The following ASCL5 variants were observed in gnomAD, a reference collection of about 807,000 sequenced individuals.
ASCL5 encodes achaete-scute family bHLH transcription factor 5.
For missense variants in ASCL5, 262 were observed against 268.9 expected, an observed-to-expected ratio of 0.97 and a Z score of 0.18; for synonymous variants, 124 against 131.5, an observed-to-expected ratio of 0.94 and a Z score of 0.39.
At chr1:201,118,863 G>A (rs1466477612) in intron 1 of ASCL5, among the ~76,000 whole-genome samples, 2 of 152,002 alleles carry the variant, frequency 1.3e-5, no homozygotes, top group East Asian at 1.9e-4. Flanking sequence ...CTGGTTTTAC[G>A]GGTGAGAAAC....
intron 1 of ASCL5, 144 bp from the exon 2 acceptor site, chr1:201,116,021 A>C (rs1572083939): frequency 6.6e-6 from 1 of 152,256 alleles, no homozygotes; most frequent in East Asian, 1.9e-4. Flanking sequence ...GATCTGGGTT[A>C]AAATCTTGTG....
chr1:201,117,654 C>G (rs571385704), intron 1 of ASCL5, among the ~76,000 whole-genome samples: 3 of 152,186 alleles, frequency 2.0e-5, no homozygotes, highest in African/African-American at 4.8e-5. Context: ...TGGGGGCCCT[C>G]TCTACATCTC....
At chr1:201,125,842 C>T (rs981039086) in intron 1 of ASCL5, among the ~76,000 whole-genome samples, 1 of 152,198 alleles carries the variant, frequency 6.6e-6, no homozygotes, top group African/African-American at 2.4e-5. Context: ...CAGTCCATGA[C>T]TGTTATAGCA....
intron 1 of ASCL5, among the ~76,000 whole-genome samples, chr1:201,117,506 C>T (rs1663371151): frequency 6.6e-6 from 1 of 152,128 alleles, no homozygotes; most frequent in Non-Finnish European, 1.5e-5. Flanking sequence ...TCTCAGTGGC[C>T]TTCAAAGCCT....
intron 1 of ASCL5, among the ~76,000 whole-genome samples, chr1:201,116,093 G>T (rs1278892908): frequency 6.6e-6 from 1 of 152,172 alleles, no homozygotes; most frequent in East Asian, 1.9e-4. Context: ...AAGGGCAAGG[G>T]AAACATCCTT....
At chr1:201,116,772 TC>T (rs1159964949) in intron 1 of ASCL5, among the ~76,000 whole-genome samples, 5 of 152,100 alleles carry the variant, frequency 3.3e-5, no homozygotes, top group Non-Finnish European at 7.4e-5. Flanking sequence ...CTGATCGCAC[TC>T]CCCCCTCTTG....
intron 1 of ASCL5, among the ~76,000 whole-genome samples, chr1:201,125,011 GAA>G (rs1364477479): frequency 6.6e-6 from 1 of 152,224 alleles, no homozygotes; most frequent in Admixed American, 6.5e-5. Flanking sequence ...ATTTTAGAGG[GAA>G]CTGGGGCTCT....
chr1:201,114,659 G>T lies in ASCL5; in HGVS notation c.*93C>A. 2.7e-6 allele frequency: 3 copies of T among 1,092,422 alleles called. No homozygotes were observed. The highest frequency in any genetic ancestry group is 4.6e-5 in the South Asian group (1 of 21,628). The allele number at this position is 1,092,422 out of a possible 1,614,324, so 67.7% of individuals were successfully genotyped here. On this transcript the variant is annotated 3_prime_UTR_variant, in exon 2 of 2. Coordinates refer to ENST00000449188, the MANE Select transcript of ASCL5 (RefSeq NM_001270601.2). ...CCTCCTACAGTCACCGTCCTGCGGCGCATCGCGGGTGACCCAACAGCCTCC... is the reference window on the plus strand; with the variant it reads ...CCTCCTACAGTCACCGTCCTGCGGCTCATCGCGGGTGACCCAACAGCCTCC...
intron 1 of ASCL5, among the ~76,000 whole-genome samples, chr1:201,120,467 G>A (rs1279263161): frequency 6.6e-6 from 1 of 152,092 alleles, no homozygotes; most frequent in East Asian, 1.9e-4. Context: ...ACTCTGCATG[G>A]GCAACAGGCA....
At chr1:201,117,656 C>G (rs911963716) in intron 1 of ASCL5, among the ~76,000 whole-genome samples, 1 of 152,192 alleles carries the variant, frequency 6.6e-6, no homozygotes, top group Non-Finnish European at 1.5e-5. Flanking sequence ...GGGGCCCTCT[C>G]TACATCTCTC....
chr1:201,117,548 A>G (rs144353366), intron 1 of ASCL5, among the ~76,000 whole-genome samples: 176 of 152,236 alleles, frequency 1.2e-3, no homozygotes, highest in South Asian at 3.7e-3. Context: ...GTTCTAGAAA[A>G]TGTCTCCCAA....
chr1:201,121,494 T>TTTC (rs1365631371), intron 1 of ASCL5, among the ~76,000 whole-genome samples: 1 of 152,206 alleles, frequency 6.6e-6, no homozygotes, highest in Non-Finnish European at 1.5e-5. Flanking sequence ...TTGTGTGTGG[T>TTTC]TTCCAATAGG....
chr1:201,122,402 G>A (rs1663500869), intron 1 of ASCL5, among the ~76,000 whole-genome samples: 1 of 152,192 alleles, frequency 6.6e-6, no homozygotes, highest in African/African-American at 2.4e-5. Context: ...GGAGAAGGAT[G>A]GGCTCGCGTG....
chr1:201,121,747 G>A (rs1663467475), intron 1 of ASCL5, among the ~76,000 whole-genome samples: 1 of 151,910 alleles, frequency 6.6e-6, no homozygotes, highest in South Asian at 2.1e-4. Context: ...GGGAGGATCA[G>A]TTGAGCTCAG....
chr1:201,120,972 A>C (rs192065835), intron 1 of ASCL5, among the ~76,000 whole-genome samples: 1 of 152,382 alleles, frequency 6.6e-6, no homozygotes, highest in South Asian at 2.1e-4. Flanking sequence ...CCAAGGACTC[A>C]GAATGACAGA....
chr1:201,114,806 C>G lies in ASCL5; in HGVS notation c.567G>C (p.Glu189Asp). Reference protein sequence around the residue: ...APSSLVPESSESSCFSPSPFL... With the variant: ...APSSLVPESSDSSCFSPSPFL... ...AAGGCGACGGGGAGAAGCAGGAGGA[C>G]TCGGATGACTCCGGCACCAGGGAGG... is the stretch of plus-strand genomic sequence containing the variant. The change falls in exon 2 of 2, where the codon GAG becomes GAC. Residue 189 changes from glutamate (E) to aspartate (D), a missense_variant. Physicochemically the swap from Glu to Asp is conservative, Grantham distance 45 (BLOSUM62 2). Coordinates refer to ENST00000449188, the MANE Select transcript of ASCL5 (RefSeq NM_001270601.2). The G allele has an allele frequency of 1.6e-6, 2 of 1,230,958 alleles. No individual in the cohort carries two copies. Among genetic ancestry groups the G allele is most frequent in the Non-Finnish European group, 2.0e-6 (2 of 987,486 alleles). The allele number at this position is 1,230,958 out of a possible 1,614,324, so 76.3% of individuals were successfully genotyped here.
chr1:201,125,818 C>T (rs1430770862), intron 1 of ASCL5, among the ~76,000 whole-genome samples: 1 of 152,212 alleles, frequency 6.6e-6, no homozygotes, highest in Non-Finnish European at 1.5e-5. Context: ...TGAATGGGCA[C>T]AGGTGAGTGT....
chr1:201,118,690 C>T (rs556240993), intron 1 of ASCL5, among the ~76,000 whole-genome samples: 3 of 152,122 alleles, frequency 2.0e-5, no homozygotes, highest in African/African-American at 7.2e-5. Flanking sequence ...GCTCTAGGTA[C>T]TAGGATAGAA....
chr1:201,115,491 G>A lies in ASCL5; in HGVS notation c.-119C>T, dbSNP rs555457022. On this transcript the variant is annotated 5_prime_UTR_variant, in exon 2 of 2. Coordinates refer to ENST00000449188, the MANE Select transcript of ASCL5 (RefSeq NM_001270601.2). ...GCTAGCAGCAGCTCTTGGGTACCAGGACTTGCTAGGGCCTCTTTTCGCCCT... is the reference window on the plus strand; with the variant it reads ...GCTAGCAGCAGCTCTTGGGTACCAGAACTTGCTAGGGCCTCTTTTCGCCCT... 3.6e-4 allele frequency: 288 copies of A among 805,066 alleles called. No individual in the cohort carries two copies. The highest frequency in any genetic ancestry group is 1.3e-3 in the Middle Eastern group (3 of 2,400). The allele number at this position is 805,066 out of a possible 1,614,324, so 49.9% of individuals were successfully genotyped here.
Sources: gnomAD v4.1 joint callset for allele counts (sites outside exome capture counted in the v4.1 genomes callset) on GRCh38, gnomAD v4.1.1 for gene constraint, MANE v1.5 for transcripts, NCBI Gene and HGNC (gene_info 2026-07-23, HGNC 2026-07-21) for gene names.